Variants in EMCN observed in about 807,000 individuals in gnomAD.
EMCN encodes the protein endomucin.
In EMCN, 37 loss-of-function variants were observed where a neutral mutation model predicts 38.4. The ratio of observed to expected loss-of-function variants is 0.96; its 90% CI spans 0.74 to 1.27. The LOEUF is 1.27. Ranked by LOEUF, EMCN falls within the 50% of genes most tolerant of loss-of-function variation. EMCN has a pLI of 0.00. For synonymous variants in EMCN, 95 were observed against 100.8 expected, an observed-to-expected ratio of 0.94 and a Z score of 0.35; for missense variants, 318 against 302.8, an observed-to-expected ratio of 1.05 and a Z score of -0.37.
intron 3 of EMCN, among the ~76,000 whole-genome samples, chr4:100,469,458 A>G (rs917223463): frequency 6.6e-6 from 1 of 152,176 alleles, no homozygotes; most frequent in Non-Finnish European, 1.5e-5. Context: ...CCTAGTGCAC[A>G]GCAAAGGAAA....
At chr4:100,463,355 A>G (rs993266355) in intron 4 of EMCN, among the ~76,000 whole-genome samples, 1 of 152,072 alleles carries the variant, frequency 6.6e-6, no homozygotes, top group Admixed American at 6.6e-5. Context: ...GACTCCCACT[A>G]CTAAACTTCG....
In EMCN at chr4:100,513,676, A is replaced by C. The variant is rs1729684528; in HGVS notation, c.64+4175T>G. On this transcript the variant is annotated intron_variant, in intron 1 of 11. Coordinates refer to ENST00000296420, the MANE Select transcript of EMCN (RefSeq NM_016242.4). Reference sequence around the variant, plus strand: ...ATTTGGTGCTCACTTTCATAACTGAAATCAAAATAATCGACTTTTTTCTAT... The same window carrying C: ...ATTTGGTGCTCACTTTCATAACTGACATCAAAATAATCGACTTTTTTCTAT... 2.6e-5 allele frequency among the ~76,000 whole-genome samples: 4 copies of C among 152,184 alleles called. No homozygotes were observed. In the South Asian group the frequency reaches 8.3e-4, roughly 31 times the overall value.
rs112212346 is a variant in EMCN, at chr4:100,396,771, A to AT, written c.*1641dup. On this transcript the variant is annotated 3_prime_UTR_variant, in exon 12 of 12. Transcript: ENST00000296420. ...TTGGCCAGGCTAGTCTCAAACTCAG[A>AT]TTTTTTTTTTTTCTGAAGACAAATG... 0.059 allele frequency: 8,488 copies of AT among 143,568 alleles called. 683 individuals carry two copies. The highest frequency in any genetic ancestry group is 0.19 in the African/African-American group (7,355 of 39,614). The allele number at this position is 143,568 out of a possible 1,614,324, so 8.9% of individuals were successfully genotyped here.
intron 1 of EMCN, among the ~76,000 whole-genome samples, chr4:100,488,140 TA>T (rs1360485570): frequency 1.3e-5 from 2 of 152,198 alleles, no homozygotes; most frequent in Non-Finnish European, 2.9e-5. Flanking sequence ...TTTTCATCTA[TA>T]AAAAGTGACT....
intron 2 of EMCN, among the ~76,000 whole-genome samples, chr4:100,475,904 G>A (rs970154724): frequency 6.6e-6 from 1 of 151,738 alleles, no homozygotes; most frequent in Non-Finnish European, 1.5e-5. Flanking sequence ...GGATGGTCTC[G>A]ATCTCATGAT....
In EMCN at chr4:100,517,845, A is replaced by G. The variant is rs1431937201; in HGVS notation, c.64+6T>C. ...GTACCACCAGAGGAATAAGAGACAA[A>G]AATACCTGTGCTGTTACTGCTGCAA... On this transcript the variant is annotated splice_donor_region_variant and intron_variant, in intron 1 of 11. Transcript: ENST00000296420. The G allele has an allele frequency of 6.2e-7, 1 of 1,612,346 alleles. No individual in the cohort carries two copies. Among genetic ancestry groups the G allele is most frequent in the Non-Finnish European group, 8.5e-7 (1 of 1,178,802 alleles).
Position 100,493,599 on chromosome 4 carries a change from CTTCTA to C in EMCN, c.65-13565_65-13561del, listed in dbSNP as rs201208732. On this transcript the variant is annotated intron_variant, in intron 1 of 11. Transcript: ENST00000296420. Reference sequence around the variant, plus strand: ...ATGCTACTAATTTTAAAATCAGTAACTTCTATTCTGATTAAAAGTGTATGAAATTT... The same window carrying C: ...ATGCTACTAATTTTAAAATCAGTAACTTCTGATTAAAAGTGTATGAAATTT... 8.9e-4 allele frequency among the ~76,000 whole-genome samples: 136 copies of C among 152,284 alleles called. 1 individual carries two copies. The East Asian group carries it at 0.025, about 29-fold the overall frequency.
intron 11 of EMCN, among the ~76,000 whole-genome samples, chr4:100,402,147 T>C (rs1001099651): frequency 2.6e-5 from 4 of 152,146 alleles, no homozygotes; most frequent in African/African-American, 9.7e-5. Context: ...TATGATTTCA[T>C]GCTCCCACGA....
intron 4 of EMCN, among the ~76,000 whole-genome samples, chr4:100,455,621 G>A (rs1578205419): frequency 6.7e-6 from 1 of 148,938 alleles, no homozygotes. Context: ...TCTATTTAAT[G>A]TATAATTTTT....
At chr4:100,479,754 G>C (rs1728756580) in intron 2 of EMCN, among the ~76,000 whole-genome samples, 163 bp downstream of exon 2, 2 of 151,942 alleles carry the variant, frequency 1.3e-5, no homozygotes, top group South Asian at 4.2e-4. Context: ...TCAGGGTTTT[G>C]TATGGAACCC....
At chr4:100,451,479 A>G (rs1727838509) in intron 4 of EMCN, among the ~76,000 whole-genome samples, 1 of 151,898 alleles carries the variant, frequency 6.6e-6, no homozygotes, top group Non-Finnish European at 1.5e-5. Flanking sequence ...CAAGAGGACC[A>G]CCCTGGTTAG....
At chr4:100,461,962 G>A (rs1269157159) in intron 4 of EMCN, among the ~76,000 whole-genome samples, 1 of 152,134 alleles carries the variant, frequency 6.6e-6, no homozygotes, top group Admixed American at 6.6e-5. Context: ...TATGTGTGAT[G>A]GGCGGAAAGG....
chr4:100,469,447 A>T (rs991537839), intron 3 of EMCN, among the ~76,000 whole-genome samples: 3 of 152,100 alleles, frequency 2.0e-5, no homozygotes, highest in Admixed American at 6.5e-5. Context: ...CAAACTAAAA[A>T]CCTAGTGCAC....
chr4:100,468,570 A>T (rs567403014), intron 3 of EMCN, among the ~76,000 whole-genome samples: 46 of 152,248 alleles, frequency 3.0e-4, no homozygotes, highest in African/African-American at 1.1e-3. Context: ...AAGGTAAGAG[A>T]CTTTTGACAA....
intron 4 of EMCN, among the ~76,000 whole-genome samples, chr4:100,458,168 T>C (rs1009274892): frequency 2.0e-5 from 3 of 151,998 alleles, no homozygotes; most frequent in African/African-American, 7.3e-5. Flanking sequence ...TTGAGGAGGA[T>C]TGGTGTTAAT....
At position 100,409,061 on chromosome 4, in the gene EMCN, G is replaced by C. The variant is rs143441193; in HGVS notation, c.*39+1221C>G. 1.5e-4 allele frequency among the ~76,000 whole-genome samples: 23 copies of C among 152,254 alleles called. No individual in the cohort carries two copies. The East Asian group carries it at 1.9e-3, about 13-fold the overall frequency. On this transcript the variant is annotated intron_variant, in intron 11 of 11. Transcript: ENST00000296420. ...GCTACTGGTCAGACAAGCACAGCAG[G>C]TACCATTTATTCTACAAGAAATTTC...
At chr4:100,415,795 G>T in intron 10 of EMCN, 103 bp downstream of exon 10, 2 of 705,132 alleles carry the variant, frequency 2.8e-6, no homozygotes, top group East Asian at 2.9e-5. Flanking sequence ...TATTTCTAAA[G>T]AAGTTAGGCC....
intron 2 of EMCN, 82 bp downstream of exon 2, chr4:100,479,835 T>C (rs1728758981): frequency 8.6e-7 from 1 of 1,168,200 alleles, no homozygotes; most frequent in South Asian, 1.6e-5. Context: ...AGATCCCGAA[T>C]TATTTTTTCA....
chr4:100,414,773 T>C (rs929797591), intron 10 of EMCN, among the ~76,000 whole-genome samples: 18 of 152,198 alleles, frequency 1.2e-4, no homozygotes, highest in Non-Finnish European at 2.4e-4. Flanking sequence ...ATTTATAGTT[T>C]TCTGTTTTAC....
Sources: gnomAD v4.1 joint callset for allele counts (sites outside exome capture counted in the v4.1 genomes callset) on GRCh38, gnomAD v4.1.1 for gene constraint, MANE v1.5 for transcripts, NCBI Gene and HGNC (gene_info 2026-07-23, HGNC 2026-07-21) for gene names.